The following PHF1 variants were observed in gnomAD, a reference collection of about 807,000 sequenced individuals.
PHF1 encodes the protein PHD finger protein 1.
A neutral mutation model predicts 69.4 loss-of-function variants in PHF1; 16 were observed. The ratio of observed to expected loss-of-function variants is 0.23; its 90% confidence interval spans 0.16 to 0.35. The LOEUF (loss-of-function observed/expected upper bound fraction) is 0.35. PHF1 is among the 10% of genes least tolerant of loss of function. PHF1 has a pLI of 1.00. For missense variants in PHF1, 515 were observed against 732.8 expected (o/e 0.70, Z 3.43); for synonymous variants, 274 against 275.0 (o/e 1.00, Z 0.04).
chr6:33,412,928 T>G lies in PHF1; in HGVS notation c.337+135T>G. The G allele has an allele frequency of 1.3e-6, 1 of 783,110 alleles. No homozygotes were observed. Among genetic ancestry groups the G allele is most frequent in the Non-Finnish European group, 2.1e-6 (1 of 467,150 alleles). The allele number at this position is 783,110 out of a possible 1,614,324, so 48.5% of individuals were successfully genotyped here. ...TAGCCTTATCTTAGTCCTCATCCGC[T>G]TTCAGCCCAGGGAGAAGCAGCCATG... is the stretch of plus-strand genomic sequence containing the variant. On this transcript the variant is annotated intron_variant, in intron 4 of 14. Coordinates refer to ENST00000374516, the MANE Select transcript of PHF1 (RefSeq NM_024165.3). The surrounding 1 kb of genome is among the most constrained non-coding windows in gnomAD (Gnocchi z 4.2).
At chr6:33,410,788 A>C (rs1432334583), upstream of PHF1, 5 of 151,896 alleles carry the variant, frequency 3.3e-5, no homozygotes, top group African/African-American at 1.2e-4. Context: ...AGGTCGGAGG[A>C]AGGGGCTGAG....
Position 33,414,632 on chromosome 6 carries a change from T to C in PHF1, c.944+88T>C, listed in dbSNP as rs1447275936. On this transcript the variant is annotated intron_variant, in intron 10 of 14. Transcript: ENST00000374516. The surrounding 1 kb of genome is among the most constrained non-coding windows in gnomAD (Gnocchi z 5.0). ...GAAGGGGAGGGGCTTGCAACCCACC[T>C]GGAAGACTGTGACTGAAAAGGATTG... 4 of 1,524,588 alleles carry C rather than the reference T, an allele frequency of 2.6e-6. No individual in the cohort carries two copies. The highest frequency in any genetic ancestry group is 3.6e-6 in the Non-Finnish European group (4 of 1,115,868). The allele number at this position is 1,524,588 out of a possible 1,614,324, so 94.4% of individuals were successfully genotyped here.
At chr6:33,415,193 G>T in intron 12 of PHF1, 42 bp from the exon 13 acceptor site, 1 of 1,613,086 alleles carries the variant, frequency 6.2e-7, no homozygotes, top group East Asian at 2.2e-5. Context: ...GGTGTGGGAA[G>T]GAGTCAAGGA....
In PHF1 at chr6:33,413,571, G is replaced by C. The variant is rs750120408; in HGVS notation, c.587+14G>C. 11 of 1,614,136 alleles carry C rather than the reference G, an allele frequency of 6.8e-6. No individual in the cohort carries two copies. The highest frequency in any genetic ancestry group is 8.5e-6 in the Non-Finnish European group (10 of 1,179,978). On this transcript the variant is annotated intron_variant, in intron 6 of 14. Coordinates refer to ENST00000374516, the MANE Select transcript of PHF1 (RefSeq NM_024165.3). ...TGGCCCTGGGGAGTGAGTAATGAGA[G>C]GGGAGCAGACTGTGGAATGAATGAT...
In PHF1 at chr6:33,416,018, G is replaced by A; in HGVS notation, c.1624G>A (p.Val542Ile). The A allele has an allele frequency of 6.2e-7, 1 of 1,613,116 alleles. No homozygotes were observed. Residue 542 changes from valine to isoleucine, a missense_variant, in exon 15 of 15, where the codon GTC becomes ATC. By Grantham distance (29) the Val-to-Ile change is conservative. Transcript: ENST00000374516. ...GVGYLSRGDP[V>I]RVLARRVRPD... ...TGGTTACCTGTCCCGAGGGGACCCT[G>A]TCCGGGTCCTTGCTCGGAGAGTACG...
Position 33,415,015 on chromosome 6 carries a change from G to A in PHF1, c.1110G>A (p.Arg370=). 6.4e-7 allele frequency: 1 copy of A among 1,571,146 alleles called. No individual in the cohort carries two copies. The change falls in exon 12 of 15, where the codon AGG becomes AGA. Residue 370 remains arginine (R), a synonymous_variant. Coordinates refer to ENST00000374516, the MANE Select transcript of PHF1 (RefSeq NM_024165.3). The part of the protein sequence containing the change: ...GVSRPLGKRR[R]PEPEPLRRRQ... Reference sequence around the variant, plus strand: ...CACGTCCCCTGGGGAAGCGCCGGAGGCCGGAGCCAGAGCCCCTGAGGAGGA... The same window carrying A: ...CACGTCCCCTGGGGAAGCGCCGGAGACCGGAGCCAGAGCCCCTGAGGAGGA...
rs371271580 is a variant in PHF1 at position 33,412,729 on chromosome 6, T to C, written c.273T>C (p.Cys91=). The change falls in exon 4 of 15, where the codon TGT becomes TGC. Residue 91 remains cysteine, a synonymous_variant. Coordinates refer to ENST00000374516, the MANE Select transcript of PHF1 (RefSeq NM_024165.3). This position sits in a 1 kb window ranked among gnomAD's most constrained non-coding sequence, Gnocchi z 4.2. The part of the protein sequence containing the change: ...AALPGEELLC[C]VCRSETVVPG... ...TCCCTGGAGAGGAACTCCTCTGTTG[T>C]GTCTGTCGCTCTGAGACTGTGGTCC... The C allele has an allele frequency of 1.2e-6, 2 of 1,614,106 alleles. No homozygotes were observed. The highest frequency in any genetic ancestry group is 1.7e-6 in the Non-Finnish European group (2 of 1,180,008).
Position 33,413,525 on chromosome 6 carries a change from G to A in PHF1, c.555G>A (p.Gln185=). 6.2e-7 allele frequency: 1 copy of A among 1,614,222 alleles called. No homozygotes were observed. The highest frequency in any genetic ancestry group is 8.5e-7 in the Non-Finnish European group (1 of 1,180,036). The stretch of plus-strand genomic sequence containing the variant: ...ATGCTGGACATCTGAGCAACCGACA[G>A]CAGAGTTACTGTTACTGTGGTGGCC... ...DWDAGHLSNR[Q]QSYCYCGGPG... The change falls in exon 6 of 15, where the codon CAG becomes CAA. Residue 185 remains glutamine (Q), a synonymous_variant. Transcript: ENST00000374516.
intron 7 of PHF1, 59 bp downstream of exon 7, chr6:33,413,890 C>A: frequency 6.5e-7 from 1 of 1,545,306 alleles, no homozygotes; most frequent in Non-Finnish European, 8.9e-7. Flanking sequence ...GTGTTCCACC[C>A]TCAGTTCTCC....
intron 5 of PHF1, 46 bp from the exon 6 acceptor site, chr6:33,413,363 C>T: frequency 1.2e-6 from 2 of 1,612,254 alleles, no homozygotes; most frequent in Admixed American, 1.7e-5. Context: ...CAAGCCTTTT[C>T]CTCTCCCCAC....
rs768179996 is a variant in PHF1, at chr6:33,414,984, G to T, written c.1079G>T (p.Gly360Val). The T allele has an allele frequency of 6.5e-6, 10 of 1,550,078 alleles. No homozygotes were observed. The East Asian group carries it at 7.3e-5, about 11-fold the overall frequency. ...SFPSGQGPGG[G>V]VSRPLGKRRR... ...CCTTCAGGGCAGGGCCCTGGGGGAG[G>T]GGTCTCACGTCCCCTGGGGAAGCGC... The change falls in exon 12 of 15, where the codon GGG becomes GTG. Residue 360 changes from glycine (G) to valine (V), a missense_variant. Physicochemically the swap from Gly to Val is moderately radical, Grantham distance 109. This residue lies in a region of PHF1 where 274 missense variants were observed against 304.5 expected (regional missense o/e 0.90). Coordinates refer to ENST00000374516, the MANE Select transcript of PHF1 (RefSeq NM_024165.3). The surrounding 1 kb of genome is among the most constrained non-coding windows in gnomAD (Gnocchi z 5.0).
In PHF1 at chr6:33,413,404, T is replaced by C; in HGVS notation, c.439-5T>C. On this transcript the variant is annotated splice_region_variant and splice_polypyrimidine_tract_variant and intron_variant, in intron 5 of 14. Coordinates refer to ENST00000374516, the MANE Select transcript of PHF1 (RefSeq NM_024165.3). ...TGAAGCCACCCACCTGTCCTGTCTC[T>C]GCAGAGGGGAGGTGCCCTGAAGAAG... The C allele has an allele frequency of 6.2e-7, 1 of 1,614,132 alleles. No individual in the cohort carries two copies. Among genetic ancestry groups the C allele is most frequent in the Non-Finnish European group, 8.5e-7 (1 of 1,179,982 alleles).
At position 33,415,248 on chromosome 6, in the gene PHF1, C is replaced by T. The variant is rs932378183; in HGVS notation, c.1253C>T (p.Pro418Leu). Reference protein sequence around the residue: ...LQRALQASVSPPSPSPNQSYQ... With the variant: ...LQRALQASVSLPSPSPNQSYQ... ...CCCCTCTTCTAGGCCTCAGTGTCTC[C>T]ACCATCCCCCAGCCCTAACCAGAGT... is the stretch of plus-strand genomic sequence containing the variant. The change falls in exon 13 of 15, where the codon CCA becomes CTA. Residue 418 changes from proline (P) to leucine (L), a missense_variant. By Grantham distance (98) the Pro-to-Leu change is moderately conservative (BLOSUM62 -3). This residue lies in a region of PHF1 where 274 missense variants were observed against 304.5 expected (regional missense o/e 0.90). Transcript: ENST00000374516. 2.5e-6 allele frequency: 4 copies of T among 1,613,880 alleles called. No homozygotes were observed. The highest frequency in any genetic ancestry group is 1.3e-5 in the African/African-American group (1 of 74,972).
rs1267488008 is a variant in PHF1 at position 33,414,372 on chromosome 6, G to A, written c.876+6G>A. Reference sequence around the variant, plus strand: ...ACAGTTTGCTCCTGGGGGAGGTAAGGGGTAGTGCAGTTTTGGGGGTTGGGA... The same window carrying A: ...ACAGTTTGCTCCTGGGGGAGGTAAGAGGTAGTGCAGTTTTGGGGGTTGGGA... On this transcript the variant is annotated splice_donor_region_variant and intron_variant, in intron 9 of 14. Coordinates refer to ENST00000374516, the MANE Select transcript of PHF1 (RefSeq NM_024165.3). This position sits in a 1 kb window ranked among gnomAD's most constrained non-coding sequence, Gnocchi z 5.0. The A allele has an allele frequency of 1.9e-6, 3 of 1,613,824 alleles. No individual in the cohort carries two copies. The highest frequency in any genetic ancestry group is 2.5e-6 in the Non-Finnish European group (3 of 1,179,968).
chr6:33,414,530 C>T lies in PHF1; in HGVS notation c.930C>T (p.Asn310=), dbSNP rs745515393. The T allele has an allele frequency of 7.4e-6, 12 of 1,613,778 alleles. No individual in the cohort carries two copies. The highest frequency in any genetic ancestry group is 1.7e-5 in the Admixed American group (1 of 59,992). ...CTTCCAGGCTCCTCTCTGCTCTTAA[C>T]AGCCACAAGGACCGGTGAGTTGGAG... ...ERSSRLLSAL[N]SHKDRFISGR... is the part of the protein sequence containing the mutation. Residue 310 remains asparagine (N), a synonymous_variant, in exon 10 of 15, where the codon AAC becomes AAT. Transcript: ENST00000374516. This position sits in a 1 kb window ranked among gnomAD's most constrained non-coding sequence, Gnocchi z 5.0.
rs1483002918 is a variant in PHF1 at position 33,412,278 on chromosome 6, C to G, written c.15C>G (p.Pro5=). 1 of 1,613,730 alleles carries G rather than the reference C, an allele frequency of 6.2e-7. No individual in the cohort carries two copies. The highest frequency in any genetic ancestry group is 8.5e-7 in the Non-Finnish European group (1 of 1,179,932). Residue 5 remains proline (P), a synonymous_variant, in exon 2 of 15, where the codon CCC becomes CCG. Coordinates refer to ENST00000374516, the MANE Select transcript of PHF1 (RefSeq NM_024165.3). This position sits in a 1 kb window ranked among gnomAD's most constrained non-coding sequence, Gnocchi z 4.2. ...CCCAGGATGCAATGGCGCAGCCCCC[C>G]CGGCTGAGCCGCTCTGGTGCCTCCT... The part of the protein sequence containing the change: MAQP[P]RLSRSGASSL...
chr6:33,413,761 C>G lies in PHF1; in HGVS notation c.613C>G (p.Arg205Gly). 3.7e-6 allele frequency: 6 copies of G among 1,613,798 alleles called. No individual in the cohort carries two copies. Among genetic ancestry groups the G allele is most frequent in the Non-Finnish European group, 5.1e-6 (6 of 1,179,964 alleles). ...GEWNLKMLQC[R>G]SCLQWFHEAC... ...GTGGAACCTGAAAATGCTGCAGTGC[C>G]GGAGCTGCCTGCAGTGGTTCCATGA... Residue 205 changes from arginine (R) to glycine (G), a missense_variant, in exon 7 of 15, where the codon CGG (arginine) becomes GGG (glycine). By Grantham distance (125) the Arg-to-Gly change is moderately radical. Coordinates refer to ENST00000374516, the MANE Select transcript of PHF1 (RefSeq NM_024165.3).
Position 33,416,281 on chromosome 6 carries a change from C to T in PHF1, c.*183C>T. ...CTCTTCTCTACCCTCCTTCATGATTCCTGACCCCTCCCATCCTTCCCATTT... is the reference window on the plus strand; with the variant it reads ...CTCTTCTCTACCCTCCTTCATGATTTCTGACCCCTCCCATCCTTCCCATTT... On this transcript the variant is annotated 3_prime_UTR_variant, in exon 15 of 15. Transcript: ENST00000374516. 2.0e-6 allele frequency: 1 copy of T among 502,060 alleles called. No individual in the cohort carries two copies. The highest frequency in any genetic ancestry group is 3.5e-6 in the Non-Finnish European group (1 of 287,980). 31.1% of individuals were successfully genotyped at this position (502,060 alleles called of 1,614,324 possible). A position where few individuals can be genotyped will look rare whatever the true frequency, so the allele number is the denominator to read the frequency against.
intron 13 of PHF1, 80 bp downstream of exon 13, chr6:33,415,409 T>C (rs1776390848): frequency 7.6e-7 from 1 of 1,315,736 alleles, no homozygotes; most frequent in South Asian, 1.3e-5. Flanking sequence ...CCAGAATTCT[T>C]TTCCCTCTCC....
Sources: gnomAD v4.1 joint callset for allele counts on GRCh38, gnomAD v4.1.1 for gene constraint, gnomAD v4.1.1 regional missense constraint, Gnocchi (gnomAD v3.1) non-coding constraint, MANE v1.5 for transcripts, NCBI Gene and HGNC (gene_info 2026-07-23, HGNC 2026-07-21) for gene names.